MGAT5: variants seen among roughly 807,000 people sequenced by gnomAD.
MGAT5 encodes alpha-1,6-mannosylglycoprotein 6-beta-N-acetylglucosaminyltransferase.
A neutral mutation model predicts 94.3 loss-of-function variants in MGAT5; 30 were observed. The ratio of observed to expected loss-of-function variants is 0.32; its 90% CI spans 0.24 to 0.43. MGAT5 has a LOEUF of 0.43. Ranked by LOEUF, MGAT5 falls within the 20% of genes least tolerant of loss-of-function variation. The probability of loss-of-function intolerance (pLI) is 1.00; values close to 1 mark genes in which losing one functional copy is unlikely to be tolerated. For missense variants in MGAT5, 691 were observed against 905.5 expected, an observed-to-expected ratio of 0.76 and a Z score of 3.04; for synonymous variants, 310 against 322.9, an observed-to-expected ratio of 0.96 and a Z score of 0.43.
chr2:134,446,490 A>C (rs371703068), intron 15 of MGAT5, among the ~76,000 whole-genome samples: 161 of 152,296 alleles, frequency 1.1e-3, no homozygotes, highest in African/African-American at 3.5e-3. Flanking sequence ...TTCCATATGT[A>C]AACTTGTCAT....
chr2:134,420,587 G>A (rs1316755212), intron 12 of MGAT5, among the ~76,000 whole-genome samples: 1 of 152,098 alleles, frequency 6.6e-6, no homozygotes, highest in Non-Finnish European at 1.5e-5. Context: ...AGACGGAGGG[G>A]TGCCAGTTAA....
chr2:134,406,731 CAA>C (rs60622551), intron 11 of MGAT5, among the ~76,000 whole-genome samples: 5 of 134,232 alleles, frequency 3.7e-5, no homozygotes, highest in East Asian at 2.1e-4. Flanking sequence ...CAAAAAATAC[CAA>C]AAAAAAAAAA....
intron 10 of MGAT5, 128 bp downstream of exon 10, chr2:134,362,536 G>C: frequency 1.7e-6 from 2 of 1,187,530 alleles, no homozygotes; most frequent in Middle Eastern, 2.6e-4. Context: ...ACATAAACAA[G>C]AATGTGCAAA....
chr2:134,343,283 T>A (rs1688736487), intron 7 of MGAT5, among the ~76,000 whole-genome samples: 1 of 152,180 alleles, frequency 6.6e-6, no homozygotes, highest in South Asian at 2.1e-4. Context: ...ATAAATGAAA[T>A]TATGTAAAAT....
chr2:134,381,382 T>TAGATAAGA (rs1553457734), intron 10 of MGAT5, among the ~76,000 whole-genome samples: 5 of 108,574 alleles, frequency 4.6e-5, no homozygotes, highest in African/African-American at 9.9e-5. Flanking sequence ...ATAAGATAGA[T>TAGATAAGA]TAGATAGATA....
intron 2 of MGAT5, among the ~76,000 whole-genome samples, chr2:134,297,625 G>A (rs987073171): frequency 1.3e-5 from 2 of 152,054 alleles, no homozygotes; most frequent in Non-Finnish European, 2.9e-5. Flanking sequence ...ATAGAACAAA[G>A]GTCAGAAATC....
At chr2:134,401,879 G>A (rs1453250130) in intron 10 of MGAT5, among the ~76,000 whole-genome samples, 1 of 152,142 alleles carries the variant, frequency 6.6e-6, no homozygotes, top group Non-Finnish European at 1.5e-5. Context: ...GAAGTTGAGG[G>A]TCCTTTGTAA....
intron 1 of MGAT5, among the ~76,000 whole-genome samples, chr2:134,183,312 G>A (rs1156807388): frequency 2.6e-5 from 4 of 152,248 alleles, no homozygotes; most frequent in African/African-American, 7.2e-5. Flanking sequence ...TACGTCACTC[G>A]TTGGGCTTTA....
At chr2:134,309,477 T>C (rs1476792471) in intron 2 of MGAT5, among the ~76,000 whole-genome samples, 2 of 152,230 alleles carry the variant, frequency 1.3e-5, no homozygotes, top group Non-Finnish European at 2.9e-5. Flanking sequence ...ACACTTGTTA[T>C]TGTCTGAATT....
At chr2:134,292,958 TG>T (rs1168808247) in intron 2 of MGAT5, among the ~76,000 whole-genome samples, 1 of 152,200 alleles carries the variant, frequency 6.6e-6, no homozygotes, top group Non-Finnish European at 1.5e-5. Context: ...AGATAACAGA[TG>T]GAGGTCATGG....
intron 11 of MGAT5, among the ~76,000 whole-genome samples, chr2:134,409,835 A>G (rs1451354218): frequency 3.9e-5 from 6 of 152,168 alleles, no homozygotes; most frequent in Non-Finnish European, 5.9e-5. Context: ...GAACGTCCCA[A>G]TCCTATACTG....
chr2:134,247,947 AT>A (rs937810698), intron 1 of MGAT5, among the ~76,000 whole-genome samples: 1 of 152,004 alleles, frequency 6.6e-6, no homozygotes, highest in African/African-American at 2.4e-5. Flanking sequence ...GTTCCCGGGT[AT>A]TTTCCCCTCC....
chr2:134,217,735 G>GA (rs1055803883), intron 1 of MGAT5, among the ~76,000 whole-genome samples: 1 of 152,134 alleles, frequency 6.6e-6, no homozygotes, highest in African/African-American at 2.4e-5. Flanking sequence ...CTTACAGTTA[G>GA]AAAAAATAAG....
intron 1 of MGAT5, among the ~76,000 whole-genome samples, chr2:134,179,258 CAAG>C (rs1372207135): frequency 6.6e-6 from 1 of 152,104 alleles, no homozygotes. Context: ...TTATTAAGCA[CAAG>C]AAGGCTGGAG....
rs892529383 is a variant in MGAT5, at chr2:134,322,741, T to A, written c.573+4002T>A. Among the ~76,000 whole-genome samples, 14 of 152,262 alleles carry A rather than the reference T, an allele frequency of 9.2e-5. No homozygotes were observed. The East Asian group carries it at 2.7e-3, about 29-fold the overall frequency. ...TCCTGCTGTCTTGAAACTTTCCTTA[T>A]TCTGTTATTTAAGTTAACTCTGAAA... On this transcript the variant is annotated intron_variant, in intron 4 of 15. Coordinates refer to ENST00000281923, the MANE Select transcript of MGAT5 (RefSeq NM_002410.5).
In MGAT5 at chr2:134,254,250, C is replaced by T. The variant is rs146706164; in HGVS notation, c.-154C>T. The T allele has an allele frequency of 7.4e-5, 64 of 867,344 alleles. No homozygotes were observed. The Admixed American group carries it at 1.7e-3, about 23-fold the overall frequency. 53.7% of individuals were successfully genotyped at this position (867,344 alleles called of 1,614,324 possible). On this transcript the variant is annotated 5_prime_UTR_variant, in exon 1 of 16. Transcript: ENST00000281923. ...CCATGACCACTTGGCTAATTCTTCT[C>T]CTCCTTCACAGCAGAATGGAAGTGA...
At chr2:134,361,806 C>T (rs890425357) in intron 9 of MGAT5, among the ~76,000 whole-genome samples, 3 of 152,170 alleles carry the variant, frequency 2.0e-5, no homozygotes, top group African/African-American at 7.2e-5. Context: ...TGTCCCTCAA[C>T]CTCCTGTTAT....
intron 10 of MGAT5, among the ~76,000 whole-genome samples, chr2:134,380,629 G>T (rs1294553001): frequency 6.6e-6 from 1 of 152,180 alleles, no homozygotes; most frequent in Non-Finnish European, 1.5e-5. Flanking sequence ...TATAAATACT[G>T]ATACCATGTT....
chr2:134,140,638 G>A (rs1193939160), intron 1 of MGAT5, among the ~76,000 whole-genome samples: 2 of 152,206 alleles, frequency 1.3e-5, no homozygotes, highest in South Asian at 2.1e-4. Context: ...CCACATCCAG[G>A]GTGGGGCCAT....
Sources: allele counts gnomAD v4.1 joint callset (sites outside exome capture counted in the v4.1 genomes callset), GRCh38; gene constraint gnomAD v4.1.1; transcripts MANE v1.5; gene names NCBI Gene and HGNC (gene_info 2026-07-23, HGNC 2026-07-21).